Variants in NELL1 observed in about 807,000 individuals in gnomAD.
The protein encoded by NELL1 is neural EGFL like 1, also known as protein kinase C-binding protein NELL1.
A neutral mutation model predicts 107.4 loss-of-function variants in NELL1; 76 were observed. The observed-to-expected ratio is 0.71, with a 90% CI of 0.59 to 0.86. The LOEUF is 0.86. NELL1 is among the 40% of genes least tolerant of loss of function. The pLI is 0.00. For missense variants in NELL1, 1,024 were observed against 1,005.5 expected (o/e 1.02, Z -0.25); for synonymous variants, 353 against 341.2 (o/e 1.03, Z -0.38).
intron 3 of NELL1, among the ~76,000 whole-genome samples, chr11:20,843,717 A>G (rs1040975226): frequency 6.7e-5 from 10 of 150,260 alleles, no homozygotes; most frequent in Non-Finnish European, 4.4e-5. Context: ...TTTGGTATCA[A>G]TTTTGGGGAA....
At chr11:21,281,004 C>A (rs1290777418) in intron 14 of NELL1, among the ~76,000 whole-genome samples, 2 of 151,678 alleles carry the variant, frequency 1.3e-5, no homozygotes, top group Non-Finnish European at 2.9e-5. Flanking sequence ...TGCACCGTCC[C>A]TCCTCCAACC....
At chr11:21,431,609 C>A (rs747079358) in intron 15 of NELL1, among the ~76,000 whole-genome samples, 14 of 152,164 alleles carry the variant, frequency 9.2e-5, no homozygotes, top group Non-Finnish European at 1.2e-4. Context: ...AGTAAGGGGT[C>A]TAGTTTTCAC....
intron 2 of NELL1, among the ~76,000 whole-genome samples, chr11:20,755,558 T>TATTTTTATTTTTTTTTTA (rs1564895070): frequency 6.1e-5 from 1 of 16,432 alleles, no homozygotes; most frequent in African/African-American, 1.1e-4. Flanking sequence ...TTGTTTTTGT[T>TATTTTTATTTTTTTTTTA]TTTGTTTTTT....
chr11:21,177,737 C>T (rs1017317049), intron 13 of NELL1, among the ~76,000 whole-genome samples: 1 of 151,854 alleles, frequency 6.6e-6, no homozygotes, highest in Non-Finnish European at 1.5e-5. Flanking sequence ...TTCCTACCAA[C>T]AGTGTGCACC....
At chr11:20,707,640 G>C (rs970452206) in intron 2 of NELL1, among the ~76,000 whole-genome samples, 1 of 152,210 alleles carries the variant, frequency 6.6e-6, no homozygotes, top group Non-Finnish European at 1.5e-5. Flanking sequence ...GTCCATTCCA[G>C]ACCCTGTTTG....
chr11:20,674,897 TC>T (rs1301862242), intron 1 of NELL1, among the ~76,000 whole-genome samples: 2 of 152,196 alleles, frequency 1.3e-5, no homozygotes, highest in Non-Finnish European at 2.9e-5. Context: ...AGTCCCTGCA[TC>T]GGTCAATATT....
intron 2 of NELL1, among the ~76,000 whole-genome samples, chr11:20,764,551 G>A (rs1169789430): frequency 1.3e-5 from 2 of 151,366 alleles, no homozygotes; most frequent in Non-Finnish European, 2.9e-5. Flanking sequence ...AGCTGTGACT[G>A]CCCATCATGT....
At chr11:20,818,214 A>T (rs1157806589) in intron 3 of NELL1, among the ~76,000 whole-genome samples, 1 of 152,134 alleles carries the variant, frequency 6.6e-6, no homozygotes, top group African/African-American at 2.4e-5. Context: ...GTGACTTTCT[A>T]AGTCTTTTTG....
At chr11:20,755,563 T>TTTTTTTTTTTATTTA (rs1856256795) in intron 2 of NELL1, among the ~76,000 whole-genome samples, 8 of 19,118 alleles carry the variant, frequency 4.2e-4, no homozygotes, top group African/African-American at 9.5e-4. Context: ...TTTGTTTTTG[T>TTTTTTTTTTTATTTA]TTTTTTTTTT....
chr11:20,922,602 G>A (rs954689659), intron 7 of NELL1, among the ~76,000 whole-genome samples: 13 of 151,952 alleles, frequency 8.6e-5, no homozygotes, highest in Admixed American at 3.9e-4. Context: ...TAAATAGGCC[G>A]ATTGTGGCAG....
intron 2 of NELL1, among the ~76,000 whole-genome samples, chr11:20,721,234 T>TTATATATATATATATA (rs140608526): frequency 7.2e-6 from 1 of 138,852 alleles, no homozygotes; most frequent in Admixed American, 7.2e-5. Context: ...TATATTTTGT[T>TTATATATATATATATA]TATATATATA....
At chr11:20,823,551 G>A (rs1857807182) in intron 3 of NELL1, among the ~76,000 whole-genome samples, 1 of 151,346 alleles carries the variant, frequency 6.6e-6, no homozygotes, top group African/African-American at 2.4e-5. Context: ...AGAAGGCACA[G>A]AAGACATGGC....
At chr11:21,060,197 C>T (rs1395290368) in intron 12 of NELL1, among the ~76,000 whole-genome samples, 1 of 152,192 alleles carries the variant, frequency 6.6e-6, no homozygotes, top group Non-Finnish European at 1.5e-5. Context: ...TGAACTCCCA[C>T]AGCCTGGTCT....
intron 12 of NELL1, among the ~76,000 whole-genome samples, chr11:21,093,107 A>G (rs1854558441): frequency 6.6e-6 from 1 of 152,082 alleles, no homozygotes; most frequent in African/African-American, 2.4e-5. Context: ...TTTGTAGTTT[A>G]TTGATTTCTT....
At chr11:21,214,459 G>A (rs1565114372) in intron 13 of NELL1, among the ~76,000 whole-genome samples, 1 of 152,074 alleles carries the variant, frequency 6.6e-6, no homozygotes, top group East Asian at 1.9e-4. Flanking sequence ...ACCATTGGCA[G>A]TTAGCACAAT....
intron 12 of NELL1, among the ~76,000 whole-genome samples, chr11:21,068,075 A>G (rs1322175856): frequency 2.8e-5 from 4 of 143,880 alleles, no homozygotes; most frequent in Non-Finnish European, 6.0e-5. Context: ...CTATTCTAGA[A>G]CTATATTCTT....
chr11:21,559,837 A>G (rs932979530), intron 16 of NELL1, among the ~76,000 whole-genome samples: 11 of 152,238 alleles, frequency 7.2e-5, no homozygotes, highest in Admixed American at 6.5e-4. Flanking sequence ...GTTCTTAAGA[A>G]TATCCTAAAA....
In NELL1 at chr11:21,566,652, A is replaced by T. The variant is rs957376607; in HGVS notation, c.1981-4112A>T. Among the ~76,000 whole-genome samples, 8 of 151,972 alleles carry T rather than the reference A, an allele frequency of 5.3e-5. No individual in the cohort carries two copies. The South Asian group carries it at 1.0e-3, about 20-fold the overall frequency. ...TTGTTCAAACCACCCAAGTTAGGAT[A>T]GAGATCAAGCTCTGGAAACAGCCTC... On this transcript the variant is annotated intron_variant, in intron 17 of 19. Coordinates refer to ENST00000357134, the MANE Select transcript of NELL1 (RefSeq NM_006157.5).
rs1472521289 is a variant in NELL1, at chr11:21,177,883, A to G, written c.1427-51449A>G. Among the ~76,000 whole-genome samples, 4 of 151,866 alleles carry G rather than the reference A, an allele frequency of 2.6e-5. 1 individual carries two copies. The highest frequency in any genetic ancestry group is 7.3e-5 in the African/African-American group (3 of 41,160). ...TGGTGATTCATGATGTTGAACTTTT[A>G]AAAATGTATCTCTTGGCCATTTGTG... is the stretch of plus-strand genomic sequence containing the variant. On this transcript the variant is annotated intron_variant, in intron 13 of 19. Coordinates refer to ENST00000357134, the MANE Select transcript of NELL1 (RefSeq NM_006157.5).
Sources: gnomAD v4.1 joint callset for allele counts (sites outside exome capture counted in the v4.1 genomes callset) on GRCh38, gnomAD v4.1.1 for gene constraint, MANE v1.5 for transcripts, NCBI Gene and HGNC (gene_info 2026-07-23, HGNC 2026-07-21) for gene names.